HBP1: variants seen among roughly 807,000 people sequenced by gnomAD.
HBP1 encodes HMG-box transcription factor 1.
Under a neutral mutation model 62.6 loss-of-function variants are expected in HBP1, and 20 were observed. That is an observed-to-expected ratio of 0.32 (90% CI 0.22 to 0.46). HBP1 has a LOEUF of 0.46. HBP1 is among the 20% of genes least tolerant of loss of function. The probability of loss-of-function intolerance (pLI) is 1.00; values close to 1 mark genes in which losing one functional copy is unlikely to be tolerated. For synonymous variants in HBP1, 232 were observed against 206.2 expected (o/e 1.12, Z -1.07); for missense variants, 480 against 611.8 (o/e 0.78, Z 2.27).
chr7:107,189,434 A>G lies in HBP1; in HGVS notation c.908A>G (p.Tyr303Cys). 6.2e-7 allele frequency: 1 copy of G among 1,605,448 alleles called. No homozygotes were observed. The highest frequency in any genetic ancestry group is 8.5e-7 in the Non-Finnish European group (1 of 1,176,276). ...TVECKLDHPF[Y>C]VKNKGWSSFY... is the part of the protein sequence containing the mutation. Reference sequence around the variant, plus strand: ...GAGTGTAAGCTGGACCACCCTTTCTATGTTAAAAATAAAGGTAGGGCTTGA... The same window carrying G: ...GAGTGTAAGCTGGACCACCCTTTCTGTGTTAAAAATAAAGGTAGGGCTTGA... The change falls in exon 7 of 11, where the codon TAT (tyrosine) becomes TGT (cysteine). Residue 303 changes from tyrosine to cysteine, a missense_variant. Physicochemically the swap from Tyr to Cys is radical, Grantham distance 194. Around this residue, in one of 4 missense-constraint regions of HBP1, gnomAD observed 58 missense variants for 128.5 expected, o/e 0.45. Coordinates refer to ENST00000222574, the MANE Select transcript of HBP1 (RefSeq NM_012257.4).
intron 1 of HBP1, among the ~76,000 whole-genome samples, chr7:107,171,073 A>ATTTTTTTTTTTTTTTTT (rs60734729): frequency 6.9e-5 from 6 of 87,194 alleles, no homozygotes; most frequent in African/African-American, 4.0e-4. Context: ...ATATATATAT[A>ATTTTTTTTTTTTTTTTT]TTTTTTTTTT....
intron 1 of HBP1, chr7:107,174,677 G>A: frequency 1.0e-6 from 1 of 984,428 alleles, no homozygotes; most frequent in Non-Finnish European, 1.2e-6. Flanking sequence ...GAACAGCACT[G>A]TTCATACACA....
intron 1 of HBP1, among the ~76,000 whole-genome samples, chr7:107,177,396 A>G (rs1222248908): frequency 6.6e-6 from 1 of 152,254 alleles, no homozygotes; most frequent in African/African-American, 2.4e-5. Flanking sequence ...GCTAAGGGTT[A>G]TTTTTGAGGG....
At chr7:107,175,852 G>T (rs1196283124) in intron 1 of HBP1, among the ~76,000 whole-genome samples, 2 of 151,788 alleles carry the variant, frequency 1.3e-5, no homozygotes, top group Non-Finnish European at 2.9e-5. Context: ...GAGTAGCTGG[G>T]ACTACAGGCG....
intron 9 of HBP1, among the ~76,000 whole-genome samples, chr7:107,198,144 A>G (rs538460180): frequency 2.2e-4 from 33 of 152,034 alleles, no homozygotes; most frequent in African/African-American, 8.0e-4. Flanking sequence ...TTTTATCTTT[A>G]GATGTTTTGT....
intron 7 of HBP1, 27 bp from the exon 8 acceptor site, chr7:107,190,146 C>A: frequency 6.4e-7 from 1 of 1,572,862 alleles, no homozygotes; most frequent in South Asian, 1.2e-5. Context: ...GAGTCCTCAT[C>A]CTTTATGCAA....
intron 3 of HBP1, among the ~76,000 whole-genome samples, chr7:107,185,356 T>A (rs578199127): frequency 1.3e-5 from 2 of 152,168 alleles, no homozygotes; most frequent in African/African-American, 4.8e-5. Context: ...CCCAGTGATA[T>A]GTGGTTGGTA....
intron 10 of HBP1, 68 bp from the exon 11 acceptor site, chr7:107,201,346 G>C: frequency 4.5e-6 from 4 of 897,890 alleles, no homozygotes; most frequent in Non-Finnish European, 7.1e-6. Context: ...ATACATCTTA[G>C]CTTTCATATA....
rs921873884 is a variant in HBP1, at chr7:107,177,505, A to G, written c.-15-2374A>G. Among the ~76,000 whole-genome samples, 6 of 152,256 alleles carry G rather than the reference A, an allele frequency of 3.9e-5. No individual in the cohort carries two copies. In the South Asian group the frequency reaches 1.2e-3, roughly 31 times the overall value. ...TCAAGAACGCTGTATCTAGCAATCT[A>G]AAATAATCAGATGTAAGCAAATACT... On this transcript the variant is annotated intron_variant, in intron 1 of 10. Coordinates refer to ENST00000222574, the MANE Select transcript of HBP1 (RefSeq NM_012257.4).
intron 1 of HBP1, among the ~76,000 whole-genome samples, chr7:107,169,457 G>C (rs1796439438): frequency 6.7e-6 from 1 of 149,524 alleles, no homozygotes; most frequent in Admixed American, 6.6e-5. Flanking sequence ...TTCCGGGCCA[G>C]GTCGCGCGGT....
chr7:107,197,885 T>G (rs193245087), intron 9 of HBP1, among the ~76,000 whole-genome samples: 15 of 152,372 alleles, frequency 9.8e-5, no homozygotes, highest in Admixed American at 7.8e-4. Flanking sequence ...ACCTTTCCCC[T>G]TGCTCAATTT....
At chr7:107,178,012 AAATATT>A (rs1347430580) in intron 1 of HBP1, among the ~76,000 whole-genome samples, 2 of 152,232 alleles carry the variant, frequency 1.3e-5, no homozygotes, top group Non-Finnish European at 2.9e-5. Flanking sequence ...GAAAGCTTAT[AAATATT>A]AAGTGATTAA....
At chr7:107,176,806 G>T (rs1796873186) in intron 1 of HBP1, among the ~76,000 whole-genome samples, 1 of 151,576 alleles carries the variant, frequency 6.6e-6, no homozygotes, top group Non-Finnish European at 1.5e-5. Context: ...CTAGTTCTGT[G>T]GGGGAAATTG....
At position 107,189,468 on chromosome 7, in the gene HBP1, T is replaced by A. The variant is rs1334803625; in HGVS notation, c.922+20T>A. ...ATAAAGGTAGGGCTTGAATTGCATTTGTAGTAACTTTTTTTAAACAAAGCT... is the reference window on the plus strand; with the variant it reads ...ATAAAGGTAGGGCTTGAATTGCATTAGTAGTAACTTTTTTTAAACAAAGCT... On this transcript the variant is annotated intron_variant, in intron 7 of 10. Transcript: ENST00000222574. The A allele has an allele frequency of 6.4e-7, 1 of 1,565,414 alleles. No individual in the cohort carries two copies. The highest frequency in any genetic ancestry group is 1.4e-5 in the African/African-American group (1 of 72,866).
intron 1 of HBP1, among the ~76,000 whole-genome samples, chr7:107,170,749 C>T (rs1388278059): frequency 6.6e-6 from 1 of 151,688 alleles, no homozygotes; most frequent in African/African-American, 2.4e-5. Flanking sequence ...GAAAACCCTT[C>T]CTCTTTCTTA....
rs1798389926 is a variant in HBP1 at position 107,202,294 on chromosome 7, T to TGCTG, written c.*863_*864insGCTG. On this transcript the variant is annotated 3_prime_UTR_variant, in exon 11 of 11. Transcript: ENST00000222574. ...CTGCAGTGCAACACTTGCACTTTAA[T>TGCTG]TTTCCTCCAACTGTCTAAAATTAGA... 2.0e-5 allele frequency: 3 copies of TGCTG among 152,656 alleles called. No homozygotes were observed. The highest frequency in any genetic ancestry group is 4.4e-5 in the Non-Finnish European group (3 of 68,038). The allele number at this position is 152,656 out of a possible 1,614,324, so 9.5% of individuals were successfully genotyped here. A position where few individuals can be genotyped will look rare whatever the true frequency, so the allele number is the denominator to read the frequency against.
intron 1 of HBP1, among the ~76,000 whole-genome samples, chr7:107,179,450 A>G (rs527791329): frequency 6.6e-6 from 1 of 152,320 alleles, no homozygotes; most frequent in East Asian, 1.9e-4. Flanking sequence ...TGAGGGAGCT[A>G]TAAATGGCAG....
Position 107,182,556 on chromosome 7 carries a change from C to T in HBP1, c.353C>T (p.Ala118Val), listed in dbSNP as rs1797160616. The T allele has an allele frequency of 3.1e-6, 5 of 1,612,180 alleles. No homozygotes were observed. Among genetic ancestry groups the T allele is most frequent in the African/African-American group, 1.3e-5 (1 of 74,988 alleles). ...TGGCTAACAGAATTGGCAAATATCGCGACCAGTCCACAAAGTCCACTGATG... is the reference window on the plus strand; with the variant it reads ...TGGCTAACAGAATTGGCAAATATCGTGACCAGTCCACAAAGTCCACTGATG... ...VDWLTELANI[A>V]TSPQSPLMQC... is the part of the protein sequence containing the mutation. Residue 118 changes from alanine to valine, a missense_variant, in exon 3 of 11, where the codon GCG (alanine) becomes GTG (valine). By Grantham distance (64) the Ala-to-Val change is moderately conservative. Around this residue, in one of 4 missense-constraint regions of HBP1, gnomAD observed 304 missense variants for 330.9 expected, o/e 0.92. Transcript: ENST00000222574.
Position 107,201,471 on chromosome 7 carries a change from C to T in HBP1, c.*40C>T. On this transcript the variant is annotated 3_prime_UTR_variant, in exon 11 of 11. Coordinates refer to ENST00000222574, the MANE Select transcript of HBP1 (RefSeq NM_012257.4). ...GTTCTTAAGTCTATATTTGCATATA[C>T]ATTGACTCTTGATGGAAAGACTTAA... 1 of 1,343,030 alleles carries T rather than the reference C, an allele frequency of 7.4e-7. No individual in the cohort carries two copies. The highest frequency in any genetic ancestry group is 1.1e-6 in the Non-Finnish European group (1 of 937,112). 83.2% of individuals were successfully genotyped at this position (1,343,030 alleles called of 1,614,324 possible). A position where few individuals can be genotyped will look rare whatever the true frequency, so the allele number is the denominator to read the frequency against.
Sources: gnomAD v4.1 joint callset for allele counts (sites outside exome capture counted in the v4.1 genomes callset) on GRCh38, gnomAD v4.1.1 for gene constraint, gnomAD v4.1.1 regional missense constraint, MANE v1.5 for transcripts, NCBI Gene and HGNC (gene_info 2026-07-23, HGNC 2026-07-21) for gene names.